Variants in FHAD1 observed in about 807,000 individuals in gnomAD.
FHAD1 encodes the protein forkhead-associated domain-containing protein 1.
In FHAD1, 146 loss-of-function variants were observed where a neutral mutation model predicts 191.3. The ratio of observed to expected loss-of-function variants is 0.76; its 90% CI spans 0.67 to 0.88. The LOEUF (loss-of-function observed/expected upper bound fraction) is 0.88, where lower values mean the gene tolerates loss of function less well. FHAD1 is among the 40% of genes least tolerant of loss of function. The pLI is 0.00. For missense variants in FHAD1, 1,635 were observed against 1,785.8 expected, an observed-to-expected ratio of 0.92 and a Z score of 1.52; for synonymous variants, 616 against 672.3, an observed-to-expected ratio of 0.92 and a Z score of 1.29.
At chr1:15,251,935 T>G in intron 2 of FHAD1, 58 bp downstream of exon 2, 8 of 1,391,486 alleles carry the variant, frequency 5.7e-6, no homozygotes, top group Non-Finnish European at 5.9e-6. Context: ...TCTCCCTCTC[T>G]AACAGTCCTT....
In FHAD1 at chr1:15,289,304, C is replaced by G; in HGVS notation, c.301-95C>G. The G allele has an allele frequency of 1.4e-6, 2 of 1,467,890 alleles. No individual in the cohort carries two copies. Among genetic ancestry groups the G allele is most frequent in the Non-Finnish European group, 1.8e-6 (2 of 1,100,160 alleles). The allele number at this position is 1,467,890 out of a possible 1,614,324, so 90.9% of individuals were successfully genotyped here. Reference sequence around the variant, plus strand: ...TGCCCGACCGGAAGTGACTCATAAACCAAGACCTTGGGCAGCAATGCTGTG... The same window carrying G: ...TGCCCGACCGGAAGTGACTCATAAAGCAAGACCTTGGGCAGCAATGCTGTG... On this transcript the variant is annotated intron_variant, in intron 3 of 33. Coordinates refer to ENST00000688493, the MANE Select transcript of FHAD1 (RefSeq NM_001391957.1). This position sits in a 1 kb window ranked among gnomAD's most constrained non-coding sequence, Gnocchi z 4.2.
At chr1:15,299,181 C>T (rs544952572) in intron 5 of FHAD1, among the ~76,000 whole-genome samples, 5 of 97,546 alleles carry the variant, frequency 5.1e-5, no homozygotes, top group Non-Finnish European at 9.1e-5. Context: ...GCCTGGGTGA[C>T]AGAGCAAGAC....
Position 15,289,531 on chromosome 1 carries a change from C to G in FHAD1, c.433C>G (p.Gln145Glu), listed in dbSNP as rs1663736131. 1 of 1,551,784 alleles carries G rather than the reference C, an allele frequency of 6.4e-7. No individual in the cohort carries two copies. Among genetic ancestry groups the G allele is most frequent in the African/African-American group, 1.4e-5 (1 of 73,054 alleles). ...FHQGVQPAPM[Q>E]RSWSQAFPRP... ...CCAAGGTGTCCAGCCAGCACCGATG[C>G]AAAGGAGCTGGTCCCAGGCCTTTCC... Residue 145 changes from glutamine (Q) to glutamate (E), a missense_variant, in exon 4 of 34, where the codon CAA (glutamine) becomes GAA (glutamate). Gln to Glu is a conservative substitution (Grantham distance 29, BLOSUM62 2). Coordinates refer to ENST00000688493, the MANE Select transcript of FHAD1 (RefSeq NM_001391957.1). The surrounding 1 kb of genome is among the most constrained non-coding windows in gnomAD (Gnocchi z 4.2).
intron 32 of FHAD1, among the ~76,000 whole-genome samples, chr1:15,389,447 C>CGAAAAAAAAAAAAAAAAAAAAA (rs1703236092): frequency 1.8e-5 from 1 of 54,220 alleles, no homozygotes; most frequent in African/African-American, 7.8e-5. Context: ...GAACCTGTCT[C>CGAAAAAAAAAAAAAAAAAAAAA]AAAAAAAAAA....
chr1:15,262,367 T>C (rs1227040031), intron 2 of FHAD1, among the ~76,000 whole-genome samples: 1 of 152,210 alleles, frequency 6.6e-6, no homozygotes, highest in Non-Finnish European at 1.5e-5. Context: ...GCCATTCTGC[T>C]ATTATCTCTG....
At chr1:15,254,631 G>A (rs7532108) in intron 2 of FHAD1, among the ~76,000 whole-genome samples, 107,715 of 151,972 alleles carry the variant, frequency 0.71, 39,203 homozygotes, top group East Asian at 0.95. Context: ...ACTGCTTACT[G>A]CTGCTTGGCC....
chr1:15,303,105 C>G (rs1669337185), intron 6 of FHAD1, among the ~76,000 whole-genome samples: 2 of 152,190 alleles, frequency 1.3e-5, no homozygotes, highest in African/African-American at 4.8e-5. Flanking sequence ...CTTTTGCGCT[C>G]TGGGAATTCG....
At chr1:15,358,089 G>C (rs1415902108) in intron 20 of FHAD1, 21 bp from the exon 21 acceptor site, 1 of 1,481,178 alleles carries the variant, frequency 6.8e-7, no homozygotes. Context: ...CTGTTATTTT[G>C]CTACTTGTTT....
In FHAD1 at chr1:15,349,736, G is replaced by A. The variant is rs141065989; in HGVS notation, c.2454+587G>A. On this transcript the variant is annotated intron_variant, in intron 19 of 33. Transcript: ENST00000688493. Reference sequence around the variant, plus strand: ...TGGTTGTCACATCAGATAAGCCCCAGGGATCAGTGCCTTCTGGAATGGACG... The same window carrying A: ...TGGTTGTCACATCAGATAAGCCCCAAGGATCAGTGCCTTCTGGAATGGACG... 2.6e-5 allele frequency among the ~76,000 whole-genome samples: 4 copies of A among 152,334 alleles called. No homozygotes were observed. In the East Asian group the frequency reaches 7.7e-4, roughly 29 times the overall value.
chr1:15,369,391 A>T lies in FHAD1; in HGVS notation c.3336A>T (p.Arg1112Ser). The T allele has an allele frequency of 1.3e-6, 2 of 1,551,960 alleles. No individual in the cohort carries two copies. The highest frequency in any genetic ancestry group is 1.7e-6 in the Non-Finnish European group (2 of 1,147,052). Residue 1112 changes from arginine to serine, a missense_variant, in exon 26 of 34, where the codon AGA (arginine) becomes AGT (serine). Coordinates refer to ENST00000688493, the MANE Select transcript of FHAD1 (RefSeq NM_001391957.1). ...CTAGGGCTTCCCAAGAGAAACACAGACTCCAGCTGAACACAGAGAAGGAAC... is the reference window on the plus strand; with the variant it reads ...CTAGGGCTTCCCAAGAGAAACACAGTCTCCAGCTGAACACAGAGAAGGAAC... ...EALRASQEKH[R>S]LQLNTEKEQK...
chr1:15,323,881 A>G (rs1293137867), intron 10 of FHAD1, among the ~76,000 whole-genome samples: 1 of 152,184 alleles, frequency 6.6e-6, no homozygotes, highest in African/African-American at 2.4e-5. Context: ...TCCCTTGGTA[A>G]GTGTGCTAGA....
chr1:15,245,884 T>C (rs543440383), upstream of FHAD1, among the ~76,000 whole-genome samples: 16 of 152,388 alleles, frequency 1.0e-4, no homozygotes, highest in South Asian at 3.3e-3. Flanking sequence ...CCAGGCACGT[T>C]TGAGCATCTT....
rs1044781116 is a variant in FHAD1, at chr1:15,383,013, C to G, written c.4188+820C>G. On this transcript the variant is annotated intron_variant, in intron 31 of 33. Coordinates refer to ENST00000688493, the MANE Select transcript of FHAD1 (RefSeq NM_001391957.1). Reference sequence around the variant, plus strand: ...GGGTCCCCCTCCCACCACACACACACACGCGCACGCGCACACACTCTGGTA... The same window carrying G: ...GGGTCCCCCTCCCACCACACACACAGACGCGCACGCGCACACACTCTGGTA... 1.1e-5 allele frequency: 5 copies of G among 453,202 alleles called. No homozygotes were observed. In the Admixed American group the frequency reaches 1.2e-4, roughly 11 times the overall value. 28.1% of individuals were successfully genotyped at this position (453,202 alleles called of 1,614,324 possible).
intron 21 of FHAD1, 24 bp from the exon 22 acceptor site, chr1:15,360,454 A>T (rs1694431353): frequency 6.5e-7 from 1 of 1,545,392 alleles, no homozygotes; most frequent in Non-Finnish European, 8.8e-7. Context: ...CCAAGACCTC[A>T]CTGAGTGACT....
At chr1:15,378,753 GTTTTT>G (rs1700220399) in intron 28 of FHAD1, among the ~76,000 whole-genome samples, 1 of 151,636 alleles carries the variant, frequency 6.6e-6, no homozygotes, top group South Asian at 2.1e-4. Flanking sequence ...TGGGTTTTTT[GTTTTT>G]ATTTTTGTTT....
At chr1:15,297,511 G>T (rs946627100) in intron 5 of FHAD1, among the ~76,000 whole-genome samples, 1 of 152,224 alleles carries the variant, frequency 6.6e-6, no homozygotes, top group Non-Finnish European at 1.5e-5. Context: ...TGTCACACAC[G>T]GGAGTGACAT....
At chr1:15,397,020 T>TAAAAA (rs5772637) in intron 33 of FHAD1, among the ~76,000 whole-genome samples, 77 of 115,922 alleles carry the variant, frequency 6.6e-4, no homozygotes, top group African/African-American at 2.5e-3. Flanking sequence ...CCGTCTCTAC[T>TAAAAA]AAAAAAAAAA....
At chr1:15,247,203 A>AC (rs142342714), upstream of FHAD1, 48,186 of 162,022 alleles carry the variant, frequency 0.3, 8,827 homozygotes, top group East Asian at 0.55. Context: ...ATTAGGCTGG[A>AC]CCCCGCGGCG....
At chr1:15,287,052 G>A (rs1662707146) in intron 3 of FHAD1, 1 of 152,330 alleles carries the variant, frequency 6.6e-6, no homozygotes, top group Non-Finnish European at 1.5e-5. Flanking sequence ...GGGAATGAGT[G>A]AGGCAAGACA....
Sources: gnomAD v4.1 joint callset for allele counts (sites outside exome capture counted in the v4.1 genomes callset) on GRCh38, gnomAD v4.1.1 for gene constraint, Gnocchi (gnomAD v3.1) non-coding constraint, MANE v1.5 for transcripts, NCBI Gene and HGNC (gene_info 2026-07-23, HGNC 2026-07-21) for gene names.